The following ELL2 variants were observed in gnomAD, a reference collection of about 807,000 sequenced individuals.
ELL2 encodes the protein elongation factor for RNA polymerase II 2.
Under a neutral mutation model 72.8 loss-of-function variants are expected in ELL2, and 21 were observed. The ratio of observed to expected loss-of-function variants is 0.29; its 90% confidence interval spans 0.20 to 0.42. The LOEUF is 0.42. Ranked by LOEUF, ELL2 falls within the 10% of genes least tolerant of loss-of-function variation. The pLI is 1.00. For synonymous variants in ELL2, 266 were observed against 283.2 expected (o/e 0.94, Z 0.61); for missense variants, 568 against 772.8 (o/e 0.73, Z 3.14).
At chr5:95,961,521 C>A in intron 1 of ELL2, 54 bp downstream of exon 1, 9 of 1,465,660 alleles carry the variant, frequency 6.1e-6, no homozygotes, top group Non-Finnish European at 8.1e-6. Flanking sequence ...GCGGCCAGGC[C>A]GTGAGGGGTG....
In ELL2 at chr5:95,927,398, CAT is replaced by C. The variant is rs1239885723; in HGVS notation, c.196-7855_196-7854del. 1.1e-3 allele frequency among the ~76,000 whole-genome samples: 31 copies of C among 29,236 alleles called. 2 individuals are homozygous for C. The highest frequency in any genetic ancestry group is 2.2e-3 in the South Asian group (1 of 456). The allele number at this position is 29,236 out of a possible 152,430, so 19.2% of individuals were successfully genotyped here. ...ACACACACACGTGTGTATATATAGACATACACACACGTGTGTATATAGACATA... is the reference window on the plus strand; with the variant it reads ...ACACACACACGTGTGTATATATAGACACACACACGTGTGTATATAGACATA... On this transcript the variant is annotated intron_variant, in intron 2 of 11. Transcript: ENST00000237853.
chr5:95,953,340 T>C (rs1286058145), intron 1 of ELL2, among the ~76,000 whole-genome samples: 1 of 152,088 alleles, frequency 6.6e-6, no homozygotes, highest in African/African-American at 2.4e-5. Context: ...AACTTTTTAT[T>C]AAAGAAAAAA....
chr5:95,954,593 T>C (rs529969343), intron 1 of ELL2, among the ~76,000 whole-genome samples: 3 of 118,966 alleles, frequency 2.5e-5, no homozygotes, highest in South Asian at 5.7e-4. Flanking sequence ...CTTTTTTTTT[T>C]TTCTTTTTTT....
chr5:95,941,716 T>C (rs1750976446), intron 2 of ELL2, among the ~76,000 whole-genome samples: 1 of 152,198 alleles, frequency 6.6e-6, no homozygotes, highest in Admixed American at 6.5e-5. Flanking sequence ...AATCCTTTAG[T>C]GAAAATCCAT....
intron 9 of ELL2, 88 bp downstream of exon 9, chr5:95,895,540 A>G: frequency 1.6e-6 from 2 of 1,266,836 alleles, no homozygotes; most frequent in Middle Eastern, 4.1e-4. Context: ...GGAACTTCTT[A>G]CTTTTCTGAT....
chr5:95,943,916 G>C (rs1242736826), intron 1 of ELL2, among the ~76,000 whole-genome samples: 1 of 152,100 alleles, frequency 6.6e-6, no homozygotes, highest in East Asian at 1.9e-4. Flanking sequence ...TTTTTCTATG[G>C]GAAAGCTTTT....
intron 2 of ELL2, among the ~76,000 whole-genome samples, chr5:95,929,355 T>G (rs985099759): frequency 6.7e-6 from 1 of 149,784 alleles, no homozygotes; most frequent in African/African-American, 2.5e-5. Flanking sequence ...GCCGCCTGGG[T>G]TCAAGCGATT....
intron 7 of ELL2, among the ~76,000 whole-genome samples, chr5:95,899,417 C>T (rs534282049): frequency 6.6e-6 from 1 of 151,468 alleles, no homozygotes; most frequent in Admixed American, 6.6e-5. Flanking sequence ...AGAATAGTTT[C>T]TCTAATTATC....
intron 2 of ELL2, among the ~76,000 whole-genome samples, chr5:95,920,014 C>A (rs1278303995): frequency 2.6e-5 from 4 of 152,178 alleles, no homozygotes; most frequent in Non-Finnish European, 4.4e-5. Context: ...TAAAAAAACA[C>A]ATTTCATTTT....
chr5:95,893,228 C>T (rs993084883), intron 9 of ELL2, among the ~76,000 whole-genome samples: 1 of 151,846 alleles, frequency 6.6e-6, no homozygotes, highest in African/African-American at 2.4e-5. Flanking sequence ...CCTACTTTTA[C>T]GAAAAATTGT....
In ELL2 at chr5:95,919,055, C is replaced by T. The variant is rs115183391; in HGVS notation, c.317+369G>A. On this transcript the variant is annotated intron_variant, in intron 3 of 11. Transcript: ENST00000237853. ...AGATGGATATTTTTAACTTCTTTAC[C>T]CTGGAGTATGAGCCTCAAATATGCT... 2.4e-3 allele frequency among the ~76,000 whole-genome samples: 365 copies of T among 151,852 alleles called. 2 individuals are homozygous for T. The highest frequency in any genetic ancestry group is 8.2e-3 in the African/African-American group (341 of 41,404).
chr5:95,901,056 G>A lies in ELL2; in HGVS notation c.766C>T (p.Leu256Phe). 2 of 1,607,992 alleles carry A rather than the reference G, an allele frequency of 1.2e-6. 1 individual carries two copies. Among genetic ancestry groups the A allele is most frequent in the South Asian group, 2.2e-5 (2 of 89,422 alleles). Residue 256 changes from leucine (L) to phenylalanine (F), a missense_variant, in exon 6 of 12, where the codon CTC (leucine) becomes TTC (phenylalanine). Coordinates refer to ENST00000237853, the MANE Select transcript of ELL2 (RefSeq NM_012081.6). ...ACATAATCCTTTAAGGTATATGAGA[G>A]GTCCTTAGAATTCAGATTGGCTACC... ...QQVANLNSKD[L>F]SYTLKDYVFK...
intron 3 of ELL2, among the ~76,000 whole-genome samples, chr5:95,915,036 A>G (rs1749733138): frequency 6.6e-6 from 1 of 152,246 alleles, no homozygotes; most frequent in South Asian, 2.1e-4. Flanking sequence ...TGAAAGTGAC[A>G]CTACAGCTCT....
intron 1 of ELL2, among the ~76,000 whole-genome samples, chr5:95,959,686 G>A (rs775045534): frequency 6.0e-4 from 91 of 152,056 alleles, no homozygotes; most frequent in Non-Finnish European, 1.1e-3. Context: ...ATTTTCTCTC[G>A]AGATTTCACT....
chr5:95,926,660 A>G (rs1288327994), intron 2 of ELL2, among the ~76,000 whole-genome samples: 2 of 152,198 alleles, frequency 1.3e-5, no homozygotes, highest in African/African-American at 4.8e-5. Flanking sequence ...GTTCTGGATT[A>G]AAGAGTATAG....
At chr5:95,920,430 C>T in intron 2 of ELL2, among the ~76,000 whole-genome samples, 1 of 151,782 alleles carries the variant, frequency 6.6e-6, no homozygotes, top group East Asian at 1.9e-4. Context: ...CTGCCTCAGC[C>T]TCCTGAGTAG....
At chr5:95,918,413 A>G (rs1254182500) in intron 3 of ELL2, among the ~76,000 whole-genome samples, 1 of 152,272 alleles carries the variant, frequency 6.6e-6, no homozygotes, top group East Asian at 1.9e-4. Flanking sequence ...ATTTTCAGAA[A>G]GCAACATGAA....
chr5:95,898,962 A>AAACC (rs1561491114), intron 7 of ELL2, 152 bp from the exon 8 acceptor site: 2 of 494,160 alleles, frequency 4.0e-6, no homozygotes, highest in African/African-American at 4.1e-5. Flanking sequence ...GCTTAAGCAA[A>AAACC]AAACAAACAA....
At chr5:95,913,452 T>C (rs534208272) in intron 4 of ELL2, 1 of 184,622 alleles carries the variant, frequency 5.4e-6, no homozygotes, top group African/African-American at 2.3e-5. Flanking sequence ...AATTACATCA[T>C]CTAGTGACAA....
Sources: allele counts gnomAD v4.1 joint callset (sites outside exome capture counted in the v4.1 genomes callset), GRCh38; gene constraint gnomAD v4.1.1; transcripts MANE v1.5; gene names NCBI Gene and HGNC (gene_info 2026-07-23, HGNC 2026-07-21).